Variants in CADPS2 observed in about 807,000 individuals in gnomAD.
CADPS2 encodes calcium dependent secretion activator 2.
Under a neutral mutation model 172.5 loss-of-function variants are expected in CADPS2, and 93 were observed. The ratio of observed to expected loss-of-function variants is 0.54; its 90% CI spans 0.46 to 0.64. The LOEUF is 0.64. CADPS2 is among the 30% of genes least tolerant of loss of function. The pLI is 0.00. For missense variants in CADPS2, 1,420 were observed against 1,565.9 expected (o/e 0.91, Z 1.57); for synonymous variants, 546 against 555.2 (o/e 0.98, Z 0.23).
intron 28 of CADPS2, among the ~76,000 whole-genome samples, chr7:122,332,278 T>C (rs897125924): frequency 9.9e-5 from 15 of 152,136 alleles, no homozygotes; most frequent in African/African-American, 3.6e-4. Context: ...CTATATACCA[T>C]AATGATTAAA....
At chr7:122,427,719 T>C (rs1271145854) in intron 17 of CADPS2, among the ~76,000 whole-genome samples, 1 of 152,166 alleles carries the variant, frequency 6.6e-6, no homozygotes, top group African/African-American at 2.4e-5. Context: ...TTGTAACTTG[T>C]CTTAGATAAC....
intron 27 of CADPS2, 73 bp downstream of exon 27, chr7:122,360,714 TA>T: frequency 7.4e-7 from 1 of 1,353,062 alleles, no homozygotes; most frequent in Non-Finnish European, 1.0e-6. Flanking sequence ...AGATTTGAAA[TA>T]AACCCATGAT....
At chr7:122,544,421 C>A (rs1165711822) in intron 8 of CADPS2, among the ~76,000 whole-genome samples, 1 of 152,148 alleles carries the variant, frequency 6.6e-6, no homozygotes, top group Non-Finnish European at 1.5e-5. Flanking sequence ...TGCCCTAAAA[C>A]CTCGTGACTT....
Position 122,669,355 on chromosome 7 carries a change from A to ATT in CADPS2, c.454-5788_454-5787dup, listed in dbSNP as rs34217280. On this transcript the variant is annotated intron_variant, in intron 2 of 29. Transcript: ENST00000449022. ...AAAGAAAAAATATATATATATATAT[A>ATT]TTTTTTTTTTTTGAGAAAAAGTAAT... Among the ~76,000 whole-genome samples the ATT allele has an allele frequency of 2.6e-4, 36 of 139,506 alleles. No homozygotes were observed. The South Asian group carries it at 4.0e-3, about 15-fold the overall frequency. The allele number at this position is 139,506 out of a possible 152,430, so 91.5% of individuals were successfully genotyped here.
intron 2 of CADPS2, among the ~76,000 whole-genome samples, chr7:122,696,787 T>C (rs1195043791): frequency 6.6e-6 from 1 of 152,198 alleles, no homozygotes; most frequent in Non-Finnish European, 1.5e-5. Context: ...TTTTGTATAA[T>C]TGGGAAAAAC....
At chr7:122,817,716 A>AC (rs1406747539) in intron 1 of CADPS2, among the ~76,000 whole-genome samples, 2 of 150,792 alleles carry the variant, frequency 1.3e-5, no homozygotes, top group Non-Finnish European at 3.0e-5. Context: ...AGGGGCAAGT[A>AC]CCCCTCAACC....
intron 6 of CADPS2, among the ~76,000 whole-genome samples, chr7:122,587,702 T>C (rs370189157): frequency 6.0e-4 from 92 of 152,254 alleles, no homozygotes; most frequent in African/African-American, 2.0e-3. Flanking sequence ...TATGTGTGCA[T>C]GTATCTTTGT....
At chr7:122,386,629 G>A (rs2043718499) in intron 24 of CADPS2, among the ~76,000 whole-genome samples, 1 of 152,058 alleles carries the variant, frequency 6.6e-6, no homozygotes. Flanking sequence ...GGAAGCTACT[G>A]TGTAAATAAA....
intron 5 of CADPS2, among the ~76,000 whole-genome samples, chr7:122,618,153 G>A (rs146359121): frequency 6.6e-6 from 1 of 151,786 alleles, no homozygotes; most frequent in East Asian, 1.9e-4. Flanking sequence ...TAACATTATT[G>A]AACAGCTTAG....
chr7:122,645,209 C>T (rs111280461), intron 3 of CADPS2, among the ~76,000 whole-genome samples: 12 of 132,860 alleles, frequency 9.0e-5, no homozygotes, highest in African/African-American at 3.3e-4. Context: ...TATGTATATA[C>T]ATAAGTATAT....
At chr7:122,422,631 A>T (rs2048661650) in intron 17 of CADPS2, among the ~76,000 whole-genome samples, 1 of 152,112 alleles carries the variant, frequency 6.6e-6, no homozygotes, top group African/African-American at 2.4e-5. Flanking sequence ...GTAACTCATC[A>T]ATGTTAGATG....
At chr7:122,772,569 TC>T (rs1330811659) in intron 1 of CADPS2, among the ~76,000 whole-genome samples, 2 of 152,264 alleles carry the variant, frequency 1.3e-5, no homozygotes, top group South Asian at 2.1e-4. Flanking sequence ...TCAACAGCTT[TC>T]CTGTATAGTA....
chr7:122,668,377 G>T (rs2081401498), intron 2 of CADPS2, among the ~76,000 whole-genome samples: 1 of 147,630 alleles, frequency 6.8e-6, no homozygotes, highest in Non-Finnish European at 1.5e-5. Flanking sequence ...TTCGGTACAG[G>T]TCAGGTTTGG....
At chr7:122,692,825 G>T (rs774235150) in intron 2 of CADPS2, among the ~76,000 whole-genome samples, 1 of 151,640 alleles carries the variant, frequency 6.6e-6, no homozygotes, top group Non-Finnish European at 1.5e-5. Context: ...CAGCTCTCAC[G>T]CACTGTTCTC....
At chr7:122,787,139 T>C (rs985859085) in intron 1 of CADPS2, among the ~76,000 whole-genome samples, 1 of 152,196 alleles carries the variant, frequency 6.6e-6, no homozygotes, top group Admixed American at 6.5e-5. Flanking sequence ...GAACAGCTAA[T>C]GTGCATATCA....
chr7:122,748,323 C>T (rs2092806608), intron 1 of CADPS2, among the ~76,000 whole-genome samples: 1 of 152,124 alleles, frequency 6.6e-6, no homozygotes, highest in African/African-American at 2.4e-5. Context: ...GCATGGGTAG[C>T]TCTGTTTTGC....
At chr7:122,477,347 T>C (rs1033347556) in intron 12 of CADPS2, among the ~76,000 whole-genome samples, 1 of 151,658 alleles carries the variant, frequency 6.6e-6, no homozygotes, top group Admixed American at 6.6e-5. Flanking sequence ...ATCCCGTCTC[T>C]TACTAAAAAA....
intron 3 of CADPS2, among the ~76,000 whole-genome samples, chr7:122,644,441 C>G (rs148024187): frequency 0.028 from 4,188 of 152,226 alleles, 87 homozygotes; most frequent in South Asian, 0.092. Context: ...GATGACACAG[C>G]CTTCATAGTT....
chr7:122,368,055 ATTG>A (rs2041211977), intron 25 of CADPS2: 1 of 152,102 alleles, frequency 6.6e-6, no homozygotes, highest in African/African-American at 2.4e-5. Context: ...CACCTGAATA[ATTG>A]TTATCTCACA....
Sources: allele counts gnomAD v4.1 joint callset (sites outside exome capture counted in the v4.1 genomes callset), GRCh38; gene constraint gnomAD v4.1.1; transcripts MANE v1.5; gene names NCBI Gene and HGNC (gene_info 2026-07-23, HGNC 2026-07-21).